Variants in FILIP1 observed in about 807,000 individuals in gnomAD.
FILIP1 encodes the protein filamin-A-interacting protein 1.
Under a neutral mutation model 102.1 loss-of-function variants are expected in FILIP1, and 61 were observed. That is an observed-to-expected ratio of 0.60 (90% CI 0.49 to 0.74). The LOEUF (loss-of-function observed/expected upper bound fraction) is 0.74, where lower values mean the gene tolerates loss of function less well. Among genes scored for constraint, FILIP1 ranks in the 30% least tolerant of loss-of-function variants. FILIP1 has a pLI of 0.00. For missense variants in FILIP1, 1,314 were observed against 1,441.2 expected (o/e 0.91, Z 1.43); for synonymous variants, 491 against 526.9 (o/e 0.93, Z 0.93).
At chr6:75,449,125 G>A (rs771108330) in intron 1 of FILIP1, among the ~76,000 whole-genome samples, 1 of 152,128 alleles carries the variant, frequency 6.6e-6, no homozygotes, top group Non-Finnish European at 1.5e-5. Context: ...TGGTATATAT[G>A]CACCATGGAA....
At chr6:75,352,191 A>T (rs1248842596) in intron 4 of FILIP1, among the ~76,000 whole-genome samples, 1 of 152,228 alleles carries the variant, frequency 6.6e-6, no homozygotes, top group Admixed American at 6.5e-5. Flanking sequence ...TCACATATAC[A>T]CTAATCTGGG....
chr6:75,379,842 A>C (rs771145239), intron 2 of FILIP1, among the ~76,000 whole-genome samples: 1 of 152,164 alleles, frequency 6.6e-6, no homozygotes, highest in Non-Finnish European at 1.5e-5. Flanking sequence ...TAAAACTACA[A>C]TCCTCATCCC....
At chr6:75,398,123 A>G (rs916143329) in intron 2 of FILIP1, 4 of 152,210 alleles carry the variant, frequency 2.6e-5, no homozygotes, top group Non-Finnish European at 2.9e-5. Context: ...TTCTTATTTC[A>G]TCAAAGTGAT....
chr6:75,453,472 C>T (rs892299876), intron 1 of FILIP1, among the ~76,000 whole-genome samples: 9 of 152,092 alleles, frequency 5.9e-5, no homozygotes, highest in African/African-American at 2.2e-4. Context: ...ATGGGTTAGA[C>T]AACTGTTTGA....
At chr6:75,361,077 C>T (rs1470003324) in intron 3 of FILIP1, among the ~76,000 whole-genome samples, 4 of 152,224 alleles carry the variant, frequency 2.6e-5, no homozygotes, top group African/African-American at 9.6e-5. Flanking sequence ...TCTCTGCCTT[C>T]TCACTCACTT....
At position 75,313,279 on chromosome 6, in the gene FILIP1, A is replaced by G. The variant is rs763807669; in HGVS notation, c.2553T>C (p.Ser851=). The part of the protein sequence containing the change: ...VGLKKPVERS[S]VLDRYPPAAN... ...CTGCTGGAGGATACCTGTCTAGAAC[A>G]GAAGATCTTTCCACGGGTTTCTTCA... The change falls in exon 5 of 6, where the codon TCT becomes TCC. Residue 851 remains serine (S), a synonymous_variant. Coordinates refer to ENST00000237172, the MANE Select transcript of FILIP1 (RefSeq NM_015687.5). This position sits in a 1 kb window ranked among gnomAD's most constrained non-coding sequence, Gnocchi z 4.2. 7 of 1,614,088 alleles carry G rather than the reference A, an allele frequency of 4.3e-6. No homozygotes were observed. Among genetic ancestry groups the G allele is most frequent in the Admixed American group, 3.3e-5 (2 of 60,006 alleles).
chr6:75,351,654 G>C (rs183112216), intron 4 of FILIP1, among the ~76,000 whole-genome samples: 2 of 152,324 alleles, frequency 1.3e-5, no homozygotes, highest in Non-Finnish European at 2.9e-5. Context: ...TGTAGCCTAA[G>C]AGTAACAGGC....
chr6:75,331,169 C>T (rs1774066236), intron 4 of FILIP1, among the ~76,000 whole-genome samples: 1 of 152,046 alleles, frequency 6.6e-6, no homozygotes, highest in Admixed American at 6.6e-5. Context: ...TTTATAAATG[C>T]TATATATGTT....
At chr6:75,353,329 A>G (rs1016690998) in intron 4 of FILIP1, among the ~76,000 whole-genome samples, 2 of 152,210 alleles carry the variant, frequency 1.3e-5, no homozygotes, top group Admixed American at 6.5e-5. Flanking sequence ...GTGACGCCCT[A>G]CCTATATGCA....
chr6:75,416,534 T>C (rs1221793932), intron 1 of FILIP1, among the ~76,000 whole-genome samples: 3 of 151,160 alleles, frequency 2.0e-5, no homozygotes, highest in Non-Finnish European at 4.4e-5. Context: ...AAACCTACTG[T>C]ATTTTATCAC....
chr6:75,454,575 A>G (rs1304618583), intron 1 of FILIP1, among the ~76,000 whole-genome samples: 1 of 152,230 alleles, frequency 6.6e-6, no homozygotes, highest in Non-Finnish European at 1.5e-5. Context: ...TAAAAACAGT[A>G]ATAACAAAGA....
chr6:75,321,244 TG>T (rs1173326296), intron 4 of FILIP1, among the ~76,000 whole-genome samples: 16 of 152,244 alleles, frequency 1.1e-4, no homozygotes, highest in East Asian at 1.9e-4. Flanking sequence ...TTTTTTGTTT[TG>T]TTTTTTTAAA....
At chr6:75,382,282 C>T (rs1775928482) in intron 2 of FILIP1, among the ~76,000 whole-genome samples, 1 of 152,250 alleles carries the variant, frequency 6.6e-6, no homozygotes, top group African/African-American at 2.4e-5. Flanking sequence ...TGCCAAGCCA[C>T]TGCTGCTGGG....
At chr6:75,369,316 G>A (rs1427002547) in intron 2 of FILIP1, among the ~76,000 whole-genome samples, 1 of 152,132 alleles carries the variant, frequency 6.6e-6, no homozygotes, top group Non-Finnish European at 1.5e-5. Flanking sequence ...TGTGAATCTG[G>A]ACTTTTGCAA....
intron 2 of FILIP1, among the ~76,000 whole-genome samples, chr6:75,384,072 T>C (rs1775997191): frequency 6.6e-6 from 1 of 152,218 alleles, no homozygotes; most frequent in African/African-American, 2.4e-5. Context: ...TCATTTTCAA[T>C]AAATTAATCA....
At chr6:75,356,480 T>G (rs1333227346) in intron 3 of FILIP1, among the ~76,000 whole-genome samples, 1 of 152,082 alleles carries the variant, frequency 6.6e-6, no homozygotes, top group Non-Finnish European at 1.5e-5. Context: ...TCTTTTTTTT[T>G]TTTTTGAGAT....
At chr6:75,330,941 A>T (rs1480500824) in intron 4 of FILIP1, among the ~76,000 whole-genome samples, 2 of 152,202 alleles carry the variant, frequency 1.3e-5, no homozygotes, top group Non-Finnish European at 2.9e-5. Context: ...TGTGAAGTTT[A>T]ATCCGTAGTA....
intron 6 of FILIP1, among the ~76,000 whole-genome samples, chr6:75,300,833 C>G (rs527279022): frequency 4.6e-5 from 7 of 152,316 alleles, no homozygotes; most frequent in Non-Finnish European, 8.8e-5. Context: ...ATTTCCCACT[C>G]TACCATCAGC....
At chr6:75,336,487 C>T (rs575029729) in intron 4 of FILIP1, among the ~76,000 whole-genome samples, 1 of 151,692 alleles carries the variant, frequency 6.6e-6, no homozygotes, top group South Asian at 2.1e-4. Flanking sequence ...CTAATTTTGA[C>T]AGGCAACATA....
Sources: gnomAD v4.1 joint callset for allele counts (sites outside exome capture counted in the v4.1 genomes callset) on GRCh38, gnomAD v4.1.1 for gene constraint, Gnocchi (gnomAD v3.1) non-coding constraint, MANE v1.5 for transcripts, NCBI Gene and HGNC (gene_info 2026-07-23, HGNC 2026-07-21) for gene names.